TSPAN7: variants seen among roughly 807,000 people sequenced by gnomAD.
TSPAN7 encodes tetraspanin-7.
In TSPAN7, 1 loss-of-function variant was observed where a neutral mutation model predicts 17.6. The observed-to-expected ratio is 0.06, with a 90% CI of 0.02 to 0.27. The LOEUF (loss-of-function observed/expected upper bound fraction) is 0.27. Ranked by LOEUF, TSPAN7 falls within the 10% of genes least tolerant of loss-of-function variation. The probability of loss-of-function intolerance (pLI) is 1.00; values close to 1 mark genes in which losing one functional copy is unlikely to be tolerated. For missense variants in TSPAN7, 112 were observed against 201.7 expected (o/e 0.56, Z 2.69); for synonymous variants, 78 against 79.0 (o/e 0.99, Z 0.07).
At chrX:38,579,669 A>G (rs984276992) in intron 1 of TSPAN7, among the ~76,000 whole-genome samples, 1 of 111,582 alleles carries the variant, frequency 9.0e-6, no homozygotes, top group African/African-American at 3.3e-5. Flanking sequence ...TTTTGTTCCT[A>G]TTAGGCATTT....
At chrX:38,666,624 A>G (rs1277091295) in intron 2 of TSPAN7, among the ~76,000 whole-genome samples, 1 of 103,884 alleles carries the variant, frequency 9.6e-6, no homozygotes, top group African/African-American at 3.5e-5. Context: ...TTTGAGATGG[A>G]GTCTCGCTCT....
chrX:38,634,480 G>A (rs1375382788), intron 1 of TSPAN7, among the ~76,000 whole-genome samples: 1 of 111,884 alleles, frequency 8.9e-6, no homozygotes, highest in Non-Finnish European at 1.9e-5. Context: ...TCTGGGACTT[G>A]GCACTTGACT....
In TSPAN7 at chrX:38,636,736, C is replaced by T. The variant is rs914495490; in HGVS notation, c.82-29385C>T. Among the ~76,000 whole-genome samples the T allele has an allele frequency of 2.7e-5, 3 of 110,148 alleles. No individual in the cohort carries two copies. In the Admixed American group the frequency reaches 2.9e-4, roughly 11 times the overall value. On this transcript the variant is annotated intron_variant, in intron 1 of 7. Transcript: ENST00000378482. ...TGTCACCCAGGCTGGAGTGCAATCG[C>T]GCGATCTTGGCTCACTGCAACCTCC...
intron 4 of TSPAN7, among the ~76,000 whole-genome samples, chrX:38,674,782 G>C (rs1014564971): frequency 7.2e-5 from 8 of 110,773 alleles, no homozygotes; most frequent in Admixed American, 3.8e-4. Flanking sequence ...TGAAGGTGGT[G>C]AGCTGCCTGA....
intron 1 of TSPAN7, among the ~76,000 whole-genome samples, chrX:38,569,443 A>G (rs2069158595): frequency 2.1e-5 from 2 of 94,920 alleles, no homozygotes; most frequent in South Asian, 1.3e-3. Context: ...AAGAATAAAT[A>G]TCTGAACCTA....
intron 1 of TSPAN7, among the ~76,000 whole-genome samples, chrX:38,594,502 C>T (rs1351994950): frequency 9.0e-6 from 1 of 111,066 alleles, no homozygotes; most frequent in African/African-American, 3.3e-5. Flanking sequence ...TTCTTAGCAC[C>T]CCTTCCCATC....
chrX:38,672,329 A>T (rs7884049), intron 3 of TSPAN7, among the ~76,000 whole-genome samples: 5 of 109,244 alleles, frequency 4.6e-5, no homozygotes, highest in East Asian at 5.7e-4. Flanking sequence ...TAATTTTTTT[A>T]AAAAATTTTT....
intron 1 of TSPAN7, among the ~76,000 whole-genome samples, chrX:38,662,735 T>C (rs1227484829): frequency 9.0e-6 from 1 of 111,326 alleles, no homozygotes; most frequent in Non-Finnish European, 1.9e-5. Context: ...TTCAAGCTTC[T>C]GAACAGAGCT....
At chrX:38,663,154 CACACACACACACACACACACACACACAG>C (rs1251981762) in intron 1 of TSPAN7, among the ~76,000 whole-genome samples, 1 of 7,521 alleles carries the variant, frequency 1.3e-4, no homozygotes, top group Non-Finnish European at 2.9e-4. Flanking sequence ...GTGGTGTATA[CACACACACACACACACACACACACACAG>C]ACACACACAC....
At chrX:38,613,110 G>A (rs2069431015) in intron 1 of TSPAN7, among the ~76,000 whole-genome samples, 1 of 111,894 alleles carries the variant, frequency 8.9e-6, no homozygotes, top group Admixed American at 9.5e-5. Flanking sequence ...CTGATTTTCT[G>A]TTTTCTCCTA....
chrX:38,566,740 C>A (rs190463704), intron 1 of TSPAN7, among the ~76,000 whole-genome samples: 1 of 111,051 alleles, frequency 9.0e-6, no homozygotes, highest in African/African-American at 3.3e-5. Context: ...AGATCTTGCC[C>A]TATATATATA....
At chrX:38,680,073 C>T (rs1046899011) in intron 5 of TSPAN7, among the ~76,000 whole-genome samples, 3 of 111,340 alleles carry the variant, frequency 2.7e-5, no homozygotes, top group South Asian at 7.6e-4. Context: ...CAAACCCCGA[C>T]GACACAAGTT....
intron 5 of TSPAN7, among the ~76,000 whole-genome samples, chrX:38,680,278 A>G: frequency 8.9e-6 from 1 of 111,742 alleles, no homozygotes; most frequent in East Asian, 2.8e-4. Context: ...TTAAATTGTT[A>G]AATTTGAACT....
At chrX:38,615,969 G>A (rs1428930750) in intron 1 of TSPAN7, among the ~76,000 whole-genome samples, 1 of 111,827 alleles carries the variant, frequency 8.9e-6, no homozygotes, top group Non-Finnish European at 1.9e-5. Context: ...TTTCAATCCT[G>A]TCTCTACCTT....
At chrX:38,681,440 TG>T (rs2069890981) in intron 6 of TSPAN7, among the ~76,000 whole-genome samples, 153 bp downstream of exon 6, 2 of 112,334 alleles carry the variant, frequency 1.8e-5, no homozygotes, top group African/African-American at 6.5e-5. Flanking sequence ...ATCTGTTTAT[TG>T]ATTTTTCTTT....
intron 1 of TSPAN7, among the ~76,000 whole-genome samples, chrX:38,604,490 C>G (rs2147413170): frequency 9.0e-6 from 1 of 110,731 alleles, no homozygotes; most frequent in East Asian, 2.9e-4. Flanking sequence ...GTCCCACCAA[C>G]AGTGTAAAAG....
chrX:38,635,110 A>G (rs1321740528), intron 1 of TSPAN7, among the ~76,000 whole-genome samples: 2 of 111,273 alleles, frequency 1.8e-5, no homozygotes, highest in Non-Finnish European at 3.8e-5. Context: ...CTGTCTCTTC[A>G]GATTATCCTT....
chrX:38,578,138 G>A lies in TSPAN7; in HGVS notation c.81+16511G>A, dbSNP rs911504641. On this transcript the variant is annotated intron_variant, in intron 1 of 7. Transcript: ENST00000378482. ...CTAGAAAGGCAGGATTGGAATTAAA[G>A]GAGGGGGTTGGGGTGGAGATACAAA... is the stretch of plus-strand genomic sequence containing the variant. Among the ~76,000 whole-genome samples the A allele has an allele frequency of 2.7e-5, 3 of 111,595 alleles. No homozygotes were observed. The Admixed American group carries it at 2.9e-4, about 11-fold the overall frequency.
chrX:38,592,623 A>G (rs186377638), intron 1 of TSPAN7, among the ~76,000 whole-genome samples: 12 of 111,186 alleles, frequency 1.1e-4, no homozygotes, highest in Non-Finnish European at 2.3e-4. Context: ...ATAGTATACC[A>G]CCTTGCTTAT....
Sources: allele counts gnomAD v4.1 joint callset (sites outside exome capture counted in the v4.1 genomes callset), GRCh38; gene constraint gnomAD v4.1.1; transcripts MANE v1.5; gene names NCBI Gene and HGNC (gene_info 2026-07-23, HGNC 2026-07-21).